TIAM1: variants seen among roughly 807,000 people sequenced by gnomAD.
TIAM1 encodes TIAM Rac1 associated GEF 1.
Under a neutral mutation model 163.5 loss-of-function variants are expected in TIAM1, and 65 were observed. The observed-to-expected ratio is 0.40, with a 90% CI of 0.33 to 0.49. The LOEUF (loss-of-function observed/expected upper bound fraction) is 0.49. Ranked by LOEUF, TIAM1 falls within the 20% of genes least tolerant of loss-of-function variation. TIAM1 has a pLI of 0.77. For synonymous variants in TIAM1, 833 were observed against 810.1 expected, an observed-to-expected ratio of 1.03 and a Z score of -0.48; for missense variants, 1,789 against 2,044.7, an observed-to-expected ratio of 0.87 and a Z score of 2.41.
chr21:31,498,814 C>T (rs1333589593), intron 1 of TIAM1, among the ~76,000 whole-genome samples: 1 of 151,954 alleles, frequency 6.6e-6, no homozygotes, highest in African/African-American at 2.4e-5. Context: ...GGCGTGATGG[C>T]GGGTGCCTGG....
chr21:31,277,834 C>G (rs2073368277), intron 2 of TIAM1, among the ~76,000 whole-genome samples: 1 of 152,178 alleles, frequency 6.6e-6, no homozygotes, highest in Non-Finnish European at 1.5e-5. Flanking sequence ...ATCGGGACCT[C>G]TTTCCTGTAA....
intron 2 of TIAM1, among the ~76,000 whole-genome samples, chr21:31,297,342 T>C (rs2074316313): frequency 6.6e-6 from 1 of 152,200 alleles, no homozygotes; most frequent in Admixed American, 6.5e-5. Flanking sequence ...GTTTTGGTTC[T>C]GCAAGACGAA....
chr21:31,310,664 A>G (rs1371263932), intron 2 of TIAM1, among the ~76,000 whole-genome samples: 1 of 152,180 alleles, frequency 6.6e-6, no homozygotes, highest in Non-Finnish European at 1.5e-5. Flanking sequence ...CAGACGCAGA[A>G]GGTAACCACT....
At chr21:31,488,726 T>C (rs937271686) in intron 1 of TIAM1, among the ~76,000 whole-genome samples, 25 of 152,138 alleles carry the variant, frequency 1.6e-4, no homozygotes, top group Non-Finnish European at 1.9e-4. Flanking sequence ...ACCATCCCCA[T>C]GATTCAATTA....
chr21:31,127,250 A>C, intron 25 of TIAM1, 98 bp from the exon 26 acceptor site: 1 of 1,040,278 alleles, frequency 9.6e-7, no homozygotes, highest in South Asian at 1.3e-5. Context: ...AGGATTAATA[A>C]TGCAGAACAC....
intron 1 of TIAM1, among the ~76,000 whole-genome samples, chr21:31,502,850 G>A (rs1358934347): frequency 1.3e-5 from 2 of 152,196 alleles, no homozygotes; most frequent in Admixed American, 1.3e-4. Context: ...CAAAGGGAGA[G>A]CAAAGGAAGT....
chr21:31,529,033 C>T (rs1479326877), intron 1 of TIAM1, among the ~76,000 whole-genome samples: 2 of 151,016 alleles, frequency 1.3e-5, no homozygotes, highest in African/African-American at 2.4e-5. Context: ...GCCATTCTCC[C>T]ACCTCAGCCT....
At chr21:31,448,974 GT>G (rs1033222319) in intron 2 of TIAM1, among the ~76,000 whole-genome samples, 4 of 150,616 alleles carry the variant, frequency 2.7e-5, no homozygotes, top group African/African-American at 7.3e-5. Flanking sequence ...GCTTGTTTTG[GT>G]TTTTTTTTCT....
chr21:31,347,824 G>T (rs1190745026), upstream of TIAM1, among the ~76,000 whole-genome samples: 3 of 144,350 alleles, frequency 2.1e-5, no homozygotes, highest in Non-Finnish European at 2.9e-5. Context: ...ATGCACGAAC[G>T]TTCAGAGAAA....
chr21:31,399,820 C>A (rs1369260699), intron 2 of TIAM1, among the ~76,000 whole-genome samples: 2 of 152,124 alleles, frequency 1.3e-5, no homozygotes, highest in African/African-American at 4.8e-5. Flanking sequence ...AGCCAATATA[C>A]CAGCTCATAA....
At chr21:31,195,685 T>A (rs563360686) in intron 12 of TIAM1, among the ~76,000 whole-genome samples, 179 of 152,234 alleles carry the variant, frequency 1.2e-3, no homozygotes, top group African/African-American at 4.2e-3. Flanking sequence ...ATAAGATAAA[T>A]CTCTATGCTT....
chr21:31,433,123 T>C (rs971097631), intron 2 of TIAM1, among the ~76,000 whole-genome samples: 1 of 152,164 alleles, frequency 6.6e-6, no homozygotes, highest in Non-Finnish European at 1.5e-5. Flanking sequence ...GGTAGATAAA[T>C]AACCAATTGA....
chr21:31,173,532 AAG>A (rs57981769), intron 15 of TIAM1, among the ~76,000 whole-genome samples: 5,742 of 147,658 alleles, frequency 0.039, 286 homozygotes, highest in African/African-American at 0.12. Flanking sequence ...GAGCGAGAGA[AAG>A]AGAGAGAGAG....
intron 1 of TIAM1, among the ~76,000 whole-genome samples, chr21:31,546,139 ATGGGTATTCTGGC>A (rs2048479284): frequency 6.6e-6 from 1 of 151,678 alleles, no homozygotes; most frequent in African/African-American, 2.4e-5. Context: ...AATATTTATA[ATGGGTATTCTGGC>A]ACACTTTATG....
intron 12 of TIAM1, among the ~76,000 whole-genome samples, chr21:31,197,351 A>C (rs2085915513): frequency 6.6e-6 from 1 of 152,134 alleles, no homozygotes; most frequent in Non-Finnish European, 1.5e-5. Flanking sequence ...ATGTTGTTTA[A>C]ATTAATCAAT....
At chr21:31,151,533 A>G (rs923352614) in intron 19 of TIAM1, among the ~76,000 whole-genome samples, 1 of 152,146 alleles carries the variant, frequency 6.6e-6, no homozygotes, top group African/African-American at 2.4e-5. Context: ...CATAACAGGG[A>G]GCAGAGCATG....
intron 16 of TIAM1, among the ~76,000 whole-genome samples, chr21:31,163,432 A>T (rs1305953987): frequency 6.6e-6 from 1 of 152,188 alleles, no homozygotes; most frequent in Non-Finnish European, 1.5e-5. Flanking sequence ...ATTTCCAATG[A>T]TCTGCTTTTT....
At chr21:31,152,880 C>T in intron 18 of TIAM1, 119 bp from the exon 19 acceptor site, 1 of 1,434,088 alleles carries the variant, frequency 7.0e-7, no homozygotes, top group South Asian at 1.4e-5. Context: ...AATCCCACTA[C>T]CAGAGAGCGG....
chr21:31,373,692 T>C (rs1196432387), intron 2 of TIAM1, among the ~76,000 whole-genome samples: 1 of 152,026 alleles, frequency 6.6e-6, no homozygotes, highest in East Asian at 1.9e-4. Context: ...AGGGGAGTAC[T>C]AGAGATGAGA....
Sources: gnomAD v4.1 joint callset for allele counts (sites outside exome capture counted in the v4.1 genomes callset) on GRCh38, gnomAD v4.1.1 for gene constraint, MANE v1.5 for transcripts, NCBI Gene and HGNC (gene_info 2026-07-23, HGNC 2026-07-21) for gene names.